PAX8: variants seen among roughly 807,000 people sequenced by gnomAD.
PAX8 encodes paired box protein Pax-8.
Under a neutral mutation model 52.4 loss-of-function variants are expected in PAX8, and 15 were observed. The ratio of observed to expected loss-of-function variants is 0.29; its 90% CI spans 0.19 to 0.44. The LOEUF (loss-of-function observed/expected upper bound fraction) is 0.44. Ranked by LOEUF, PAX8 falls within the 20% of genes least tolerant of loss-of-function variation. The pLI is 1.00. For missense variants in PAX8, 554 were observed against 602.5 expected, an observed-to-expected ratio of 0.92 and a Z score of 0.84; for synonymous variants, 284 against 249.7, an observed-to-expected ratio of 1.14 and a Z score of -1.29.
rs1297739188 is a variant in PAX8, at chr2:113,241,617, C to T, written c.711G>A (p.Glu237=). 6.2e-7 allele frequency: 1 copy of T among 1,613,648 alleles called. No individual in the cohort carries two copies. Among genetic ancestry groups the T allele is most frequent in the South Asian group, 1.1e-5 (1 of 91,072 alleles). The change falls in exon 7 of 12, where the codon GAG becomes GAA. Residue 237 remains glutamate (E), a synonymous_variant. Coordinates refer to ENST00000429538, the MANE Select transcript of PAX8 (RefSeq NM_003466.4). ...AFSQHHLEPL[E]CPFERQHYPE... is the part of the protein sequence containing the mutation. ...GGTAGTGCTGCCGCTCAAATGGGCA[C>T]TCGAGCGGCTCGAGGTGGTGCTGGC...
At chr2:113,233,495 T>A (rs1176605662) in intron 9 of PAX8, among the ~76,000 whole-genome samples, 1 of 152,006 alleles carries the variant, frequency 6.6e-6, no homozygotes, top group South Asian at 2.1e-4. Context: ...CTGGCTAACA[T>A]GGTGAAACCC....
chr2:113,242,716 T>A lies in PAX8; in HGVS notation c.452A>T (p.Lys151Met). 6.2e-7 allele frequency: 1 copy of A among 1,613,846 alleles called. No individual in the cohort carries two copies. The highest frequency in any genetic ancestry group is 8.5e-7 in the Non-Finnish European group (1 of 1,179,778). Residue 151 changes from lysine (K) to methionine (M), a missense_variant, in exon 5 of 12, where the codon AAG becomes ATG. By Grantham distance (95) the Lys-to-Met change is moderately conservative. Around this residue, in one of 2 missense-constraint regions of PAX8, gnomAD observed 445 missense variants for 409.9 expected, o/e 1.09. Coordinates refer to ENST00000429538, the MANE Select transcript of PAX8 (RefSeq NM_003466.4). ...NLPMDSCVAT[K>M]SLSPGHTLIP... Reference sequence around the variant, plus strand: ...CAGCGTGTGTCCGGGACTCAGGGACTTGGTGGCCACGCAGCTGTCCATAGG... The same window carrying A: ...CAGCGTGTGTCCGGGACTCAGGGACATGGTGGCCACGCAGCTGTCCATAGG...
chr2:113,246,261 G>A (rs1470673300), intron 3 of PAX8, among the ~76,000 whole-genome samples: 1 of 152,240 alleles, frequency 6.6e-6, no homozygotes, highest in African/African-American at 2.4e-5. Flanking sequence ...GGCTTCCCCT[G>A]GTGACTGTAA....
At chr2:113,236,525 C>CT in intron 8 of PAX8, 76 bp downstream of exon 8, 1 of 1,501,936 alleles carries the variant, frequency 6.7e-7, no homozygotes. Context: ...CAGGGCCCCA[C>CT]ACCTTCCGCC....
At chr2:113,220,676 A>G (rs1689224869) in intron 10 of PAX8, among the ~76,000 whole-genome samples, 1 of 152,062 alleles carries the variant, frequency 6.6e-6, no homozygotes, top group South Asian at 2.1e-4. Flanking sequence ...ATCCATATAT[A>G]TGAACCTTTT....
intron 10 of PAX8, among the ~76,000 whole-genome samples, chr2:113,222,173 C>G (rs1174774449): frequency 6.6e-6 from 1 of 152,304 alleles, no homozygotes; most frequent in East Asian, 1.9e-4. Flanking sequence ...TCTCTTGCAT[C>G]TCCCAGTGCC....
intron 2 of PAX8, among the ~76,000 whole-genome samples, chr2:113,276,958 G>C (rs577298402): frequency 1.1e-4 from 17 of 152,340 alleles, no homozygotes; most frequent in African/African-American, 4.1e-4. Flanking sequence ...ATCGTACCAC[G>C]GTTTGGCTAA....
chr2:113,255,826 G>C (rs1291564481), intron 2 of PAX8, among the ~76,000 whole-genome samples: 1 of 152,152 alleles, frequency 6.6e-6, no homozygotes, highest in Non-Finnish European at 1.5e-5. Context: ...CATCCATCAG[G>C]GGAAAAAACC....
chr2:113,221,787 G>A (rs72831810), intron 10 of PAX8, among the ~76,000 whole-genome samples: 15,441 of 152,168 alleles, frequency 0.1, 992 homozygotes, highest in Non-Finnish European at 0.15. Flanking sequence ...AGGAAGAAGA[G>A]AGATGAAGAG....
intron 10 of PAX8, among the ~76,000 whole-genome samples, chr2:113,222,860 C>T (rs1485735644): frequency 6.6e-6 from 1 of 151,888 alleles, no homozygotes; most frequent in Non-Finnish European, 1.5e-5. Context: ...TCCTCAATTC[C>T]CTTGACCTTT....
chr2:113,227,374 C>T (rs1367692832), intron 9 of PAX8, 118 bp from the exon 10 acceptor site: 8 of 826,518 alleles, frequency 9.7e-6, no homozygotes, highest in Non-Finnish European at 1.4e-5. Context: ...AGCCATTCTC[C>T]AAACCCACTT....
At chr2:113,222,415 G>C (rs897527172) in intron 10 of PAX8, among the ~76,000 whole-genome samples, 2 of 152,196 alleles carry the variant, frequency 1.3e-5, no homozygotes, top group Non-Finnish European at 2.9e-5. Context: ...CATTTACCGA[G>C]TACCTCAGTC....
chr2:113,258,457 A>G (rs905773054), intron 2 of PAX8, among the ~76,000 whole-genome samples: 1 of 150,768 alleles, frequency 6.6e-6, no homozygotes, highest in African/African-American at 2.4e-5. Flanking sequence ...AAGATGGCAG[A>G]CTCCTCCAAT....
intron 9 of PAX8, among the ~76,000 whole-genome samples, chr2:113,235,184 C>G (rs1320384724): frequency 6.6e-6 from 1 of 152,114 alleles, no homozygotes; most frequent in Non-Finnish European, 1.5e-5. Flanking sequence ...TGGTGCATCC[C>G]CGGCACCCCT....
intron 10 of PAX8, among the ~76,000 whole-genome samples, chr2:113,223,991 C>T (rs1689399055): frequency 6.6e-6 from 1 of 150,408 alleles, no homozygotes; most frequent in African/African-American, 2.5e-5. Context: ...GAAAGATGGA[C>T]AGATAAAAGG....
chr2:113,236,972 G>A (rs1690413696), intron 7 of PAX8: 1 of 540,850 alleles, frequency 1.8e-6, no homozygotes, highest in Non-Finnish European at 3.3e-6. Context: ...GTCTCAGCCA[G>A]AGGACCACAC....
intron 2 of PAX8, among the ~76,000 whole-genome samples, chr2:113,256,654 GTA>G (rs759128116): frequency 0.12 from 7,741 of 67,182 alleles, 302 homozygotes; most frequent in Non-Finnish European, 0.15. Context: ...GTGTGTGTGT[GTA>G]TATATATATA....
chr2:113,254,899 GAA>G (rs764633371), intron 2 of PAX8, among the ~76,000 whole-genome samples: 1 of 152,098 alleles, frequency 6.6e-6, no homozygotes, highest in African/African-American at 2.4e-5. Flanking sequence ...CCCTCCTACA[GAA>G]AGTCTTCCCT....
chr2:113,246,687 G>T (rs1465617176), intron 3 of PAX8, 67 bp downstream of exon 3: 2 of 1,546,888 alleles, frequency 1.3e-6, no homozygotes, highest in African/African-American at 2.7e-5. Context: ...TTCTCTAGCT[G>T]CCCTGAGATC....
Sources: allele counts gnomAD v4.1 joint callset (sites outside exome capture counted in the v4.1 genomes callset), GRCh38; gene constraint gnomAD v4.1.1; regional missense constraint gnomAD v4.1.1; transcripts MANE v1.5; gene names NCBI Gene and HGNC (gene_info 2026-07-23, HGNC 2026-07-21).